Variants in MAP2K5 observed in about 807,000 individuals in gnomAD.
MAP2K5 encodes the protein mitogen-activated protein kinase kinase 5.
A neutral mutation model predicts 83.1 loss-of-function variants in MAP2K5; 49 were observed. The observed-to-expected ratio is 0.59, with a 90% CI of 0.47 to 0.75. The LOEUF (loss-of-function observed/expected upper bound fraction) is 0.75, where lower values mean the gene tolerates loss of function less well. Ranked by LOEUF, MAP2K5 falls within the 30% of genes least tolerant of loss-of-function variation. The probability of loss-of-function intolerance (pLI) is 0.00; values close to 1 mark genes in which losing one functional copy is unlikely to be tolerated. For synonymous variants in MAP2K5, 202 were observed against 191.8 expected, an observed-to-expected ratio of 1.05 and a Z score of -0.44; for missense variants, 457 against 557.5, an observed-to-expected ratio of 0.82 and a Z score of 1.82.
intron 7 of MAP2K5, 42 bp downstream of exon 7, chr15:67,593,016 A>G (rs750928461): frequency 2.4e-5 from 31 of 1,292,746 alleles, no homozygotes; most frequent in Admixed American, 3.8e-5. Flanking sequence ...TAATAATAAC[A>G]TATTACCGTC....
At chr15:67,547,501 G>T (rs2084420425) in intron 1 of MAP2K5, among the ~76,000 whole-genome samples, 1 of 149,522 alleles carries the variant, frequency 6.7e-6, no homozygotes. Flanking sequence ...TGTTGCCCAG[G>T]CTGGAATGCA....
chr15:67,691,832 T>C (rs2088121727), intron 13 of MAP2K5, among the ~76,000 whole-genome samples: 1 of 152,190 alleles, frequency 6.6e-6, no homozygotes, highest in Admixed American at 6.5e-5. Context: ...CCAAAAATAA[T>C]GTAAGGGAAG....
chr15:67,693,455 T>A (rs1466431428), intron 14 of MAP2K5, 63 bp from the exon 15 acceptor site: 1 of 1,283,066 alleles, frequency 7.8e-7, no homozygotes, highest in African/African-American at 1.5e-5. Context: ...AAATGAGGAA[T>A]AATTGCCCAT....
chr15:67,748,689 G>A lies in MAP2K5; in HGVS notation c.1134+88G>A. The A allele has an allele frequency of 1.6e-6, 2 of 1,264,994 alleles. No individual in the cohort carries two copies. Among genetic ancestry groups the A allele is most frequent in the Non-Finnish European group, 2.3e-6 (2 of 871,930 alleles). 78.4% of individuals were successfully genotyped at this position (1,264,994 alleles called of 1,614,324 possible). On this transcript the variant is annotated intron_variant, in intron 19 of 21. Coordinates refer to ENST00000178640, the MANE Select transcript of MAP2K5 (RefSeq NM_145160.3). The surrounding 1 kb of genome is among the most constrained non-coding windows in gnomAD (Gnocchi z 4.0). ...ATTTTGTTTCCTAATGAAGCACAAT[G>A]CCCAACATCCTTGGAGCAAGTTGTG...
At chr15:67,629,086 A>T (rs939941871) in intron 8 of MAP2K5, 1 of 736,226 alleles carries the variant, frequency 1.4e-6, no homozygotes, top group African/African-American at 1.7e-5. Flanking sequence ...CAAGGTGGCC[A>T]TGGCGGTTCC....
chr15:67,715,601 A>C (rs1169669622), intron 16 of MAP2K5, among the ~76,000 whole-genome samples: 1 of 152,250 alleles, frequency 6.6e-6, no homozygotes, highest in Non-Finnish European at 1.5e-5. Context: ...CCAACAGCAC[A>C]TACTCATATC....
intron 8 of MAP2K5, among the ~76,000 whole-genome samples, chr15:67,611,383 G>T (rs1259562400): frequency 1.3e-5 from 2 of 152,114 alleles, no homozygotes; most frequent in Non-Finnish European, 2.9e-5. Flanking sequence ...GTAATTCTTA[G>T]TGAGTATTTG....
At chr15:67,714,189 A>G (rs1272072853) in intron 16 of MAP2K5, among the ~76,000 whole-genome samples, 3 of 152,168 alleles carry the variant, frequency 2.0e-5, no homozygotes, top group African/African-American at 7.2e-5. Context: ...GTTTTTTGAA[A>G]GGAAGATTAG....
intron 8 of MAP2K5, chr15:67,627,947 C>T: frequency 1.3e-6 from 1 of 772,158 alleles, no homozygotes; most frequent in South Asian, 1.3e-5. Context: ...CCTGAGGAGC[C>T]ATTTTAAGCA....
At position 67,572,851 on chromosome 15, in the gene MAP2K5, A is replaced by C. The variant is rs567159329; in HGVS notation, c.253-7903A>C. Among the ~76,000 whole-genome samples the C allele has an allele frequency of 3.3e-5, 5 of 152,054 alleles. No homozygotes were observed. In the South Asian group the frequency reaches 8.3e-4, roughly 25 times the overall value. ...GTAGCTGGGACTACAGGCACCTGCT[A>C]CCACGCCCAGCTAAGTTTTGTATTT... On this transcript the variant is annotated intron_variant, in intron 3 of 21. Transcript: ENST00000178640. The surrounding 1 kb of genome is among the most constrained non-coding windows in gnomAD (Gnocchi z 4.2).
intron 3 of MAP2K5, among the ~76,000 whole-genome samples, chr15:67,578,420 A>G (rs1332227897): frequency 1.1e-4 from 17 of 152,092 alleles, no homozygotes. Flanking sequence ...TGTGGTTTTG[A>G]TTACCTCCCT....
Position 67,698,958 on chromosome 15 carries a change from ACT to A in MAP2K5, c.973-4374_973-4373del, listed in dbSNP as rs1484795357. On this transcript the variant is annotated intron_variant, in intron 15 of 21. Coordinates refer to ENST00000178640, the MANE Select transcript of MAP2K5 (RefSeq NM_145160.3). The surrounding 1 kb of genome is among the most constrained non-coding windows in gnomAD (Gnocchi z 4.5). The stretch of plus-strand genomic sequence containing the variant: ...CGTATTACTACTATTATTTATTATT[ACT>A]CTCTTCATTTTACAGATGAGGAAAC... 1.3e-5 allele frequency among the ~76,000 whole-genome samples: 2 copies of A among 152,032 alleles called. No individual in the cohort carries two copies. The highest frequency in any genetic ancestry group is 2.9e-5 in the Non-Finnish European group (2 of 68,000).
chr15:67,751,720 C>G (rs769378660), intron 19 of MAP2K5, among the ~76,000 whole-genome samples: 3 of 152,158 alleles, frequency 2.0e-5, no homozygotes, highest in Non-Finnish European at 4.4e-5. Context: ...ATGACTTAGT[C>G]CCTTGTTCTG....
chr15:67,604,879 A>G (rs745683846), intron 8 of MAP2K5, among the ~76,000 whole-genome samples: 1 of 151,868 alleles, frequency 6.6e-6, no homozygotes, highest in Non-Finnish European at 1.5e-5. Flanking sequence ...TGGCAACAGA[A>G]CAAGAAAAAA....
Position 67,543,169 on chromosome 15 carries a change from T to G in MAP2K5, c.-167T>G, listed in dbSNP as rs1596536854. The G allele has an allele frequency of 1.5e-6, 1 of 661,492 alleles. No homozygotes were observed. Among genetic ancestry groups the G allele is most frequent in the South Asian group, 1.9e-5 (1 of 52,570 alleles). 41.0% of individuals were successfully genotyped at this position (661,492 alleles called of 1,614,324 possible). ...CCTGGGCAGGCTCGGTGCCTGCGGG[T>G]GCGTTCCTGATCACCCCTCCCCTCT... is the stretch of plus-strand genomic sequence containing the variant. On this transcript the variant is annotated 5_prime_UTR_variant, in exon 1 of 22. Transcript: ENST00000178640. The surrounding 1 kb of genome is among the most constrained non-coding windows in gnomAD (Gnocchi z 4.3).
intron 8 of MAP2K5, among the ~76,000 whole-genome samples, chr15:67,623,251 C>T (rs973966850): frequency 6.6e-6 from 1 of 152,132 alleles, no homozygotes; most frequent in Non-Finnish European, 1.5e-5. Context: ...ACCTGAATGG[C>T]GTACTTACCA....
intron 13 of MAP2K5, among the ~76,000 whole-genome samples, chr15:67,681,359 C>G (rs140243816): frequency 9.3e-4 from 142 of 152,224 alleles, no homozygotes; most frequent in Non-Finnish European, 1.1e-3. Context: ...GTACACACAC[C>G]CACACGTACA....
At chr15:67,667,513 T>G (rs2087411114) in intron 13 of MAP2K5, among the ~76,000 whole-genome samples, 1 of 152,112 alleles carries the variant, frequency 6.6e-6, no homozygotes, top group African/African-American at 2.4e-5. Context: ...GGTTTAGGCA[T>G]TGTGAGAGGA....
chr15:67,640,463 C>A lies in MAP2K5; in HGVS notation c.586-5768C>A. 2 of 332,280 alleles carry A rather than the reference C, an allele frequency of 6.0e-6. No individual in the cohort carries two copies. The highest frequency in any genetic ancestry group is 8.6e-6 in the Non-Finnish European group (2 of 232,784). 20.6% of individuals were successfully genotyped at this position (332,280 alleles called of 1,614,324 possible). On this transcript the variant is annotated intron_variant, in intron 9 of 21. Transcript: ENST00000178640. The surrounding 1 kb of genome is among the most constrained non-coding windows in gnomAD (Gnocchi z 4.6). The stretch of plus-strand genomic sequence containing the variant: ...GACTTTTGTGTGACTTCAAGCATGT[C>A]ACTTGAACCTCCCAGTGACCTCAGC...
Sources: allele counts gnomAD v4.1 joint callset (sites outside exome capture counted in the v4.1 genomes callset), GRCh38; gene constraint gnomAD v4.1.1; non-coding constraint Gnocchi (gnomAD v3.1); transcripts MANE v1.5; gene names NCBI Gene and HGNC (gene_info 2026-07-23, HGNC 2026-07-21).